The following ERI2 variants were observed in gnomAD, a reference collection of about 807,000 sequenced individuals.
ERI2 encodes the protein ERI1 exoribonuclease family member 2.
Under a neutral mutation model 46.8 loss-of-function variants are expected in ERI2, and 35 were observed. The observed-to-expected ratio is 0.75, with a 90% CI of 0.57 to 0.99. The LOEUF is 0.99. Ranked by LOEUF, ERI2 falls within the 50% of genes least tolerant of loss-of-function variation. ERI2 has a pLI of 0.00. For missense variants in ERI2, 695 were observed against 796.2 expected (o/e 0.87, Z 1.53); for synonymous variants, 224 against 271.0 (o/e 0.83, Z 1.70).
Position 20,786,088 on chromosome 16 carries a change from G to C in ERI2, c.894+3391C>G, listed in dbSNP as rs759253257. The C allele has an allele frequency of 6.9e-6, 11 of 1,592,540 alleles. No homozygotes were observed. Among genetic ancestry groups the C allele is most frequent in the Admixed American group, 1.8e-5 (1 of 55,546 alleles). ...CTTCTTCTTAACTAGGTGCTAATCT[G>C]TGGAAATTTTAAGGGAATGAAAATT... On this transcript the variant is annotated intron_variant, in intron 10 of 10. Coordinates refer to the ERI2 transcript ENST00000300005.
intron 10 of ERI2, among the ~76,000 whole-genome samples, chr16:20,785,330 G>C (rs1038958090): frequency 1.3e-5 from 2 of 152,184 alleles, no homozygotes; most frequent in African/African-American, 2.4e-5. Flanking sequence ...TAATGGATCA[G>C]AGTAAGGGCA....
intron 10 of ERI2, among the ~76,000 whole-genome samples, chr16:20,787,434 TAGATA>T (rs2080498713): frequency 6.6e-6 from 1 of 152,232 alleles, no homozygotes; most frequent in Non-Finnish European, 1.5e-5. Context: ...GTACAGCTCT[TAGATA>T]AATGTTTCCC....
Position 20,798,877 on chromosome 16 carries a change from T to C in ERI2, c.923A>G (p.Gln308Arg). 1 of 1,550,682 alleles carries C rather than the reference T, an allele frequency of 6.4e-7. No individual in the cohort carries two copies. Among genetic ancestry groups the C allele is most frequent in the South Asian group, 1.2e-5 (1 of 83,668 alleles). ...ATTGTTTTTTACTTGTAATTGATCCTGTTGTGCCTTTATAGGAGAATTTGC... is the reference window on the plus strand; with the variant it reads ...ATTGTTTTTTACTTGTAATTGATCCCGTTGTGCCTTTATAGGAGAATTTGC... The part of the protein sequence containing the change: ...ICANSPIKAQ[Q>R]DQLQVKNNIK... Residue 308 changes from glutamine to arginine, a missense_variant, in exon 9 of 9, where the codon CAG becomes CGG. Transcript: ENST00000357967.
rs1596523338 is a variant in ERI2 at position 20,781,201 on chromosome 16, A to G, written c.895-467T>C. On this transcript the variant is annotated intron_variant, in intron 10 of 10. Coordinates refer to the ERI2 transcript ENST00000300005. ...AGTATGGCTGACAGAACTGGTGAATAAAGCAACTTGCAGAGATCAGAGTAG... is the reference window on the plus strand; with the variant it reads ...AGTATGGCTGACAGAACTGGTGAATGAAGCAACTTGCAGAGATCAGAGTAG... The G allele has an allele frequency of 2.6e-6, 4 of 1,551,192 alleles. No homozygotes were observed. The South Asian group carries it at 3.6e-5, about 14-fold the overall frequency.
rs758522753 is a variant in ERI2 at position 20,798,669 on chromosome 16, C to G, written c.1131G>C (p.Leu377Phe). 7.1e-6 allele frequency: 11 copies of G among 1,551,598 alleles called. No homozygotes were observed. Among genetic ancestry groups the G allele is most frequent in the Non-Finnish European group, 8.7e-6 (10 of 1,146,924 alleles). The part of the protein sequence containing the change: ...KSKASTVGSE[L>F]VLVSTTVPTV... ...TTGGAACGGTGGTAGAAACAAGTAC[C>G]AATTCTGAACCAACTGTTGAAGCCT... The change falls in exon 9 of 9, where the codon TTG becomes TTC. Residue 377 changes from leucine (L) to phenylalanine (F), a missense_variant. Leu to Phe is a conservative substitution (Grantham distance 22). Transcript: ENST00000357967.
intron 1 of ERI2, chr16:20,805,820 G>A (rs981171260): frequency 1.9e-5 from 6 of 309,364 alleles, no homozygotes; most frequent in Admixed American, 1.3e-4. Flanking sequence ...AATACAGAAT[G>A]TGAGGTCCCG....
In ERI2 at chr16:20,803,625, TC is replaced by T. The variant is rs773184730; in HGVS notation, c.68del (p.Gly23GlufsTer15). ...IRRKSIAPAN[G>X]NLGRSKSKQL... ...CACTGGATTTGCTTCTTCCGAGATT[TC>T]CATTTGCTGGCGCAATTGACTTTCT... On this transcript the variant is annotated frameshift_variant, in exon 2 of 9. Transcript: ENST00000357967. LOFTEE classifies it high-confidence loss of function. 3.1e-6 allele frequency: 5 copies of T among 1,614,068 alleles called. No individual in the cohort carries two copies. The African/African-American group carries it at 5.3e-5, about 17-fold the overall frequency.
chr16:20,799,223 A>G (rs1185369879), intron 8 of ERI2, 40 bp downstream of exon 8: 2 of 1,605,200 alleles, frequency 1.2e-6, no homozygotes, highest in Non-Finnish European at 8.5e-7. Context: ...CTGTTTATGA[A>G]GTTTGAGATG....
At chr16:20,783,873 T>C (rs1020588721) in intron 10 of ERI2, among the ~76,000 whole-genome samples, 2 of 151,408 alleles carry the variant, frequency 1.3e-5, no homozygotes, top group Admixed American at 1.3e-4. Context: ...AGTGGCACAA[T>C]CTCGGCTCAC....
rs137879235 is a variant in ERI2, at chr16:20,780,800, C to A, written c.895-66G>T. ...TTTACCAGTGGAACAAGTGGATATC[C>A]GAAAATGACTGCACACACCCACAGC... On this transcript the variant is annotated intron_variant, in intron 10 of 10. Transcript: ENST00000300005. 5.6e-6 allele frequency: 9 copies of A among 1,614,168 alleles called. No homozygotes were observed. The South Asian group carries it at 9.9e-5, about 18-fold the overall frequency.
intron 9 of ERI2, among the ~76,000 whole-genome samples, chr16:20,789,912 G>A (rs2080559452): frequency 1.3e-5 from 2 of 151,576 alleles, no homozygotes; most frequent in African/African-American, 4.8e-5. Flanking sequence ...GACCTCAGGC[G>A]ATCCACCCGC....
At chr16:20,788,309 TAATAGC>T (rs1275422615) in intron 10 of ERI2, among the ~76,000 whole-genome samples, 1 of 152,168 alleles carries the variant, frequency 6.6e-6, no homozygotes, top group African/African-American at 2.4e-5. Flanking sequence ...CTTCCTTCCT[TAATAGC>T]AATTCCCAAC....
At chr16:20,800,274 T>TA in intron 6 of ERI2, 28 bp downstream of exon 6, 1 of 1,477,192 alleles carries the variant, frequency 6.8e-7, no homozygotes, top group African/African-American at 1.4e-5. Context: ...TAGAAAAAAG[T>TA]AAACATGCCC....
At chr16:20,804,021 A>T (rs1305194879) in intron 1 of ERI2, among the ~76,000 whole-genome samples, 2 of 142,072 alleles carry the variant, frequency 1.4e-5, no homozygotes, top group East Asian at 2.0e-4. Context: ...ATTAGTTTTA[A>T]TTTTTTTTTT....
At chr16:20,782,782 A>G (rs749124874) in intron 10 of ERI2, among the ~76,000 whole-genome samples, 9 of 152,202 alleles carry the variant, frequency 5.9e-5, no homozygotes, top group Admixed American at 1.3e-4. Flanking sequence ...TGGCTCACAG[A>G]GTGCAAGAAA....
rs751383188 is a variant in ERI2 at position 20,798,164 on chromosome 16, T to A, written c.1636A>T (p.Lys546Ter). The A allele has an allele frequency of 2.4e-5, 38 of 1,551,492 alleles. No individual in the cohort carries two copies. The African/African-American group carries it at 4.9e-4, about 20-fold the overall frequency. ...TCATGAATAGTGAAGGGTTGTTTTT[T>A]TGCTGGTGGGAAAGCTTGGGGACTG... ...PCSPQAFPPA[K>*]KQPFTIHEEK... Residue 546 changes from lysine to a stop codon, truncating the protein, a stop_gained, in exon 9 of 9, where the codon AAA becomes TAA. Transcript: ENST00000357967. LOFTEE classifies it high-confidence loss of function.
In ERI2 at chr16:20,802,658, G is replaced by A. The variant is rs60365968; in HGVS notation, c.303+138C>T. 1,239 of 995,288 alleles carry A rather than the reference G, an allele frequency of 1.2e-3. 9 individuals are homozygous for A. The African/African-American group carries it at 0.018, about 14-fold the overall frequency. 61.7% of individuals were successfully genotyped at this position (995,288 alleles called of 1,614,324 possible). The stretch of plus-strand genomic sequence containing the variant: ...AAACTCCTGGCCTCAAGCAATTCTC[G>A]AACATCAGCCTGCAAAGTGCTGGGA... On this transcript the variant is annotated intron_variant, in intron 4 of 8. Coordinates refer to ENST00000357967, the MANE Select transcript of ERI2 (RefSeq NM_001142725.2).
chr16:20,790,658 C>T lies in ERI2; in HGVS notation c.815+192G>A, dbSNP rs754224784. The T allele has an allele frequency of 1.3e-5, 21 of 1,614,038 alleles. No homozygotes were observed. Among genetic ancestry groups the T allele is most frequent in the Admixed American group, 1.2e-4 (7 of 60,004 alleles). ...ATATTGGCATTCAAGTTCTACCCAA[C>T]CGACCATTTGGCCTTTTTACTCATT... is the stretch of plus-strand genomic sequence containing the variant. On this transcript the variant is annotated intron_variant, in intron 9 of 10. Transcript: ENST00000300005. The surrounding 1 kb of genome is among the most constrained non-coding windows in gnomAD (Gnocchi z 4.0).
In ERI2 at chr16:20,781,760, G is replaced by A. The variant is rs267604443; in HGVS notation, c.895-1026C>T. On this transcript the variant is annotated intron_variant, in intron 10 of 10. Transcript: ENST00000300005. ...TTCTGTTCAGCACCAACTGTATACC[G>A]AATGCTTGTACAGAATGATATAACC... 17 of 1,612,444 alleles carry A rather than the reference G, an allele frequency of 1.1e-5. No individual in the cohort carries two copies. The East Asian group carries it at 1.3e-4, about 13-fold the overall frequency.
Sources: gnomAD v4.1 joint callset for allele counts (sites outside exome capture counted in the v4.1 genomes callset) on GRCh38, gnomAD v4.1.1 for gene constraint, Gnocchi (gnomAD v3.1) non-coding constraint, MANE v1.5 for transcripts, NCBI Gene and HGNC (gene_info 2026-07-23, HGNC 2026-07-21) for gene names.